The following HECW1 variants were observed in gnomAD, a reference collection of about 807,000 sequenced individuals.
HECW1 encodes the protein HECT, C2 and WW domain containing E3 ubiquitin protein ligase 1.
A neutral mutation model predicts 182.3 loss-of-function variants in HECW1; 61 were observed. The observed-to-expected ratio is 0.33, with a 90% confidence interval of 0.27 to 0.41. The LOEUF is 0.41. Among genes scored for constraint, HECW1 ranks in the 10% least tolerant of loss-of-function variants. The pLI is 1.00. For missense variants in HECW1, 1,739 were observed against 2,108.9 expected (o/e 0.82, Z 3.44); for synonymous variants, 859 against 832.6 (o/e 1.03, Z -0.55).
chr7:43,228,834 A>C (rs1489935155), intron 2 of HECW1, among the ~76,000 whole-genome samples: 1 of 152,250 alleles, frequency 6.6e-6, no homozygotes, highest in African/African-American at 2.4e-5. Flanking sequence ...TAGAATTTTC[A>C]ATGAATTCCA....
At chr7:43,517,012 T>A (rs2080184305) in intron 24 of HECW1, among the ~76,000 whole-genome samples, 1 of 152,192 alleles carries the variant, frequency 6.6e-6, no homozygotes, top group Non-Finnish European at 1.5e-5. Flanking sequence ...GAGACCGCCG[T>A]TGTATATGTG....
intron 29 of HECW1, among the ~76,000 whole-genome samples, chr7:43,558,517 A>C (rs1235703993): frequency 6.6e-6 from 1 of 152,168 alleles, no homozygotes; most frequent in African/African-American, 2.4e-5. Flanking sequence ...CGCAAGAGGC[A>C]GTTGACAATG....
chr7:43,181,326 C>T (rs1003908254), intron 2 of HECW1, among the ~76,000 whole-genome samples: 4 of 150,910 alleles, frequency 2.7e-5, no homozygotes, highest in South Asian at 2.1e-4. Flanking sequence ...ATCTCTTGGA[C>T]GTATTGATTT....
chr7:43,151,557 T>C (rs1438006006), intron 2 of HECW1, among the ~76,000 whole-genome samples: 1 of 152,176 alleles, frequency 6.6e-6, no homozygotes, highest in Non-Finnish European at 1.5e-5. Flanking sequence ...GGGGATATTG[T>C]GCCAAAAAAG....
At chr7:43,534,942 A>T (rs2152949885) in intron 24 of HECW1, among the ~76,000 whole-genome samples, 1 of 152,334 alleles carries the variant, frequency 6.6e-6, no homozygotes. Flanking sequence ...TCTCAGGTGG[A>T]CTGACCTCCA....
intron 2 of HECW1, among the ~76,000 whole-genome samples, chr7:43,202,477 C>CA (rs1562668490): frequency 7.1e-6 from 1 of 141,636 alleles, no homozygotes. Flanking sequence ...TTCTCCTTGC[C>CA]TTTTTTTTTT....
At chr7:43,306,520 A>G (rs891412203) in intron 3 of HECW1, among the ~76,000 whole-genome samples, 2 of 152,328 alleles carry the variant, frequency 1.3e-5, no homozygotes, top group East Asian at 3.9e-4. Flanking sequence ...CTTCCAACTA[A>G]GTAATGCCAG....
chr7:43,318,854 C>T (rs1022725146), intron 4 of HECW1, among the ~76,000 whole-genome samples: 13 of 152,356 alleles, frequency 8.5e-5, no homozygotes, highest in African/African-American at 2.2e-4. Flanking sequence ...CCAGCCCCTA[C>T]GGTGGATTTG....
chr7:43,338,643 A>AAC (rs1675141279), intron 5 of HECW1, among the ~76,000 whole-genome samples: 2 of 152,156 alleles, frequency 1.3e-5, no homozygotes, highest in Non-Finnish European at 2.9e-5. Context: ...GCTGAAGCAC[A>AAC]ACACACACAC....
At chr7:43,253,670 A>G (rs1034890938) in intron 3 of HECW1, among the ~76,000 whole-genome samples, 1 of 152,148 alleles carries the variant, frequency 6.6e-6, no homozygotes, top group African/African-American at 2.4e-5. Flanking sequence ...TGGGAGGCCG[A>G]GGAGCAGGGT....
At chr7:43,252,271 C>G (rs1262445204) in intron 3 of HECW1, among the ~76,000 whole-genome samples, 1 of 152,118 alleles carries the variant, frequency 6.6e-6, no homozygotes, top group African/African-American at 2.4e-5. Context: ...AGGTTTCTGC[C>G]CCCAGTCAGT....
chr7:43,137,774 T>C (rs139696422), intron 2 of HECW1, among the ~76,000 whole-genome samples: 2,599 of 152,190 alleles, frequency 0.017, 80 homozygotes, highest in African/African-American at 0.059. Flanking sequence ...GGTCTCGAAC[T>C]CCTGAGCTCA....
intron 5 of HECW1, among the ~76,000 whole-genome samples, chr7:43,322,453 T>G (rs766227541): frequency 2.3e-4 from 35 of 152,166 alleles, no homozygotes; most frequent in Non-Finnish European, 3.8e-4. Context: ...TTTGCTACCA[T>G]CTGCCCCAAA....
At chr7:43,200,657 A>G (rs1046198976) in intron 2 of HECW1, among the ~76,000 whole-genome samples, 21 of 152,160 alleles carry the variant, frequency 1.4e-4, no homozygotes, top group East Asian at 3.9e-4. Context: ...TCTGCTGCCA[A>G]TGTTTTGTCC....
intron 16 of HECW1, among the ~76,000 whole-genome samples, chr7:43,477,764 A>G (rs1468625525): frequency 1.3e-5 from 2 of 152,230 alleles, no homozygotes; most frequent in Admixed American, 1.3e-4. Flanking sequence ...ATGAGTTTTT[A>G]TAAAGCTCTT....
intron 18 of HECW1, 68 bp from the exon 19 acceptor site, chr7:43,493,016 T>C (rs1342968553): frequency 9.4e-7 from 1 of 1,060,778 alleles, no homozygotes; most frequent in African/African-American, 1.6e-5. Context: ...AGCAGCCATT[T>C]TCCAATCATC....
At chr7:43,225,484 A>G (rs1797342866) in intron 2 of HECW1, among the ~76,000 whole-genome samples, 1 of 152,204 alleles carries the variant, frequency 6.6e-6, no homozygotes. Flanking sequence ...GCAAAATAAA[A>G]AAACTGGAAA....
chr7:43,529,409 GT>G (rs1362658291), intron 24 of HECW1, among the ~76,000 whole-genome samples: 1 of 152,138 alleles, frequency 6.6e-6, no homozygotes, highest in African/African-American at 2.4e-5. Context: ...TGCCAGGGTA[GT>G]TTTCTATAGC....
chr7:43,451,461 T>C (rs2077233537), intron 12 of HECW1, among the ~76,000 whole-genome samples: 1 of 152,202 alleles, frequency 6.6e-6, no homozygotes, highest in East Asian at 1.9e-4. Context: ...CAAAATATCA[T>C]CTTTAAGATA....
Sources: gnomAD v4.1 joint callset for allele counts (sites outside exome capture counted in the v4.1 genomes callset) on GRCh38, gnomAD v4.1.1 for gene constraint, MANE v1.5 for transcripts, NCBI Gene and HGNC (gene_info 2026-07-23, HGNC 2026-07-21) for gene names.